Variants in CACNA1D observed in about 807,000 individuals in gnomAD.
The protein encoded by CACNA1D is calcium voltage-gated channel subunit alpha1 D.
A neutral mutation model predicts 257.1 loss-of-function variants in CACNA1D; 55 were observed. The ratio of observed to expected loss-of-function variants is 0.21; its 90% CI spans 0.17 to 0.27. The LOEUF is 0.27. CACNA1D is among the 10% of genes least tolerant of loss of function. The probability of loss-of-function intolerance (pLI) is 1.00; values close to 1 mark genes in which losing one functional copy is unlikely to be tolerated. For missense variants in CACNA1D, 1,876 were observed against 2,784.0 expected (o/e 0.67, Z 7.34); for synonymous variants, 980 against 1,014.9 (o/e 0.97, Z 0.65).
At chr3:53,655,252 A>C (rs992156988) in intron 4 of CACNA1D, among the ~76,000 whole-genome samples, 1 of 152,124 alleles carries the variant, frequency 6.6e-6, no homozygotes, top group Non-Finnish European at 1.5e-5. Context: ...TGTCTTTGCT[A>C]TTGTGAATAG....
At chr3:53,521,217 A>T (rs2091561306) in intron 3 of CACNA1D, among the ~76,000 whole-genome samples, 1 of 151,726 alleles carries the variant, frequency 6.6e-6, no homozygotes, top group Admixed American at 6.6e-5. Context: ...ATTTTTAAAA[A>T]TTTTTGTAGA....
At position 53,548,831 on chromosome 3, in the gene CACNA1D, G is replaced by A. The variant is rs75820298; in HGVS notation, c.483+47111G>A. ...TCCACACAGATCTGTGAGGTGAGCA[G>A]CATTGTGATCCTTATTTTACAGAGG... On this transcript the variant is annotated intron_variant, in intron 3 of 47. Transcript: ENST00000350061. Among the ~76,000 whole-genome samples the A allele has an allele frequency of 2.8e-3, 430 of 152,306 alleles. 3 individuals carry two copies. Among genetic ancestry groups the A allele is most frequent in the Non-Finnish European group, 4.9e-3 (332 of 68,032 alleles).
At chr3:53,614,489 A>G (rs1001428136) in intron 3 of CACNA1D, among the ~76,000 whole-genome samples, 2 of 152,312 alleles carry the variant, frequency 1.3e-5, no homozygotes, top group African/African-American at 2.4e-5. Context: ...GTCCACAGGC[A>G]CTGTAGGAGC....
At chr3:53,757,442 G>A (rs1251501081) in intron 29 of CACNA1D, among the ~76,000 whole-genome samples, 1 of 152,116 alleles carries the variant, frequency 6.6e-6, no homozygotes, top group African/African-American at 2.4e-5. Context: ...TCTGTGGCAT[G>A]CAGACCTGCA....
intron 30 of CACNA1D, among the ~76,000 whole-genome samples, chr3:53,769,113 C>T (rs1357015750): frequency 6.6e-6 from 1 of 152,228 alleles, no homozygotes; most frequent in Non-Finnish European, 1.5e-5. Context: ...TTTCTGAACA[C>T]TCAGGTAGTG....
intron 46 of CACNA1D, chr3:53,809,325 C>A (rs2106892895): frequency 1.2e-5 from 2 of 168,472 alleles, no homozygotes; most frequent in East Asian, 1.6e-4. Flanking sequence ...CTAGGGCTTT[C>A]CCTCAAGGAT....
intron 8 of CACNA1D, among the ~76,000 whole-genome samples, chr3:53,696,533 T>C (rs983431928): frequency 1.3e-5 from 2 of 152,112 alleles, no homozygotes; most frequent in Non-Finnish European, 2.9e-5. Context: ...CCACCCAGGG[T>C]AGGGGACACA....
Position 53,789,522 on chromosome 3 carries a change from C to T in CACNA1D, c.4923+2570C>T, listed in dbSNP as rs1017644825. Among the ~76,000 whole-genome samples, 9 of 152,278 alleles carry T rather than the reference C, an allele frequency of 5.9e-5. No individual in the cohort carries two copies. The highest frequency in any genetic ancestry group is 2.1e-4 in the South Asian group (1 of 4,822). Reference sequence around the variant, plus strand: ...TAGCAGTTAGGAAAATTTGGTGGGACGGCAGTGGGAGAGATATACCACCAG... The same window carrying T: ...TAGCAGTTAGGAAAATTTGGTGGGATGGCAGTGGGAGAGATATACCACCAG... On this transcript the variant is annotated intron_variant, in intron 40 of 47. Coordinates refer to ENST00000350061, the MANE Select transcript of CACNA1D (RefSeq NM_001128840.3). This position sits in a 1 kb window ranked among gnomAD's most constrained non-coding sequence, Gnocchi z 4.2.
intron 7 of CACNA1D, among the ~76,000 whole-genome samples, chr3:53,672,184 C>T (rs1266956472): frequency 2.6e-5 from 4 of 152,170 alleles, no homozygotes; most frequent in Non-Finnish European, 5.9e-5. Context: ...CCTCAGGCCA[C>T]ACCCTTTCAC....
At chr3:53,748,382 A>G (rs1392596123) in intron 26 of CACNA1D, among the ~76,000 whole-genome samples, 1 of 152,120 alleles carries the variant, frequency 6.6e-6, no homozygotes, top group Admixed American at 6.5e-5. Context: ...TATTTTCAGG[A>G]GCTCCTGTAG....
rs373689198 is a variant in CACNA1D, at chr3:53,751,779, C to T, written c.3547C>T (p.Arg1183Cys). 17 of 1,614,160 alleles carry T rather than the reference C, an allele frequency of 1.1e-5. No homozygotes were observed. The highest frequency in any genetic ancestry group is 1.4e-5 in the Non-Finnish European group (16 of 1,180,028). ...RQCVEYALKA[R>C]PLRRYIPKNP... ...GTGTGTTGAATACGCCTTGAAAGCA[C>T]GTCCCTTGCGGAGATACATCCCCAA... The change falls in exon 28 of 48, where the codon CGT becomes TGT. Residue 1183 changes from arginine to cysteine, a missense_variant. Around this residue, in one of 10 missense-constraint regions of CACNA1D, gnomAD observed 204 missense variants for 309.4 expected, o/e 0.66. Coordinates refer to ENST00000350061, the MANE Select transcript of CACNA1D (RefSeq NM_001128840.3). The surrounding 1 kb of genome is among the most constrained non-coding windows in gnomAD (Gnocchi z 4.3).
At chr3:53,760,195 G>A (rs752283158) in intron 29 of CACNA1D, among the ~76,000 whole-genome samples, 4 of 152,178 alleles carry the variant, frequency 2.6e-5, no homozygotes, top group Non-Finnish European at 5.9e-5. Flanking sequence ...AAGCAAACCC[G>A]AAGTCAGTGT....
chr3:53,787,084 T>A (rs1576665074), intron 40 of CACNA1D, 132 bp downstream of exon 40: 1 of 906,650 alleles, frequency 1.1e-6, no homozygotes. Flanking sequence ...TACTACACAC[T>A]CCCCCAAATG....
At chr3:53,745,550 A>G (rs2095160136) in intron 23 of CACNA1D, 74 bp from the exon 24 acceptor site, 7 of 924,290 alleles carry the variant, frequency 7.6e-6, no homozygotes, top group Admixed American at 1.8e-5. Context: ...CAACACAGAA[A>G]CTGTCGGCTG....
intron 40 of CACNA1D, among the ~76,000 whole-genome samples, chr3:53,787,425 C>G (rs891043060): frequency 2.9e-5 from 4 of 136,150 alleles, no homozygotes; most frequent in African/African-American, 8.7e-5. Flanking sequence ...AGTATGTATT[C>G]TGTGTGTGTG....
chr3:53,602,416 T>C (rs2093455349), intron 3 of CACNA1D, among the ~76,000 whole-genome samples: 1 of 152,260 alleles, frequency 6.6e-6, no homozygotes, highest in Non-Finnish European at 1.5e-5. Flanking sequence ...GCAATAAACA[T>C]GGGAATTTAG....
chr3:53,622,987 G>A (rs551623678), intron 3 of CACNA1D, among the ~76,000 whole-genome samples: 1 of 152,152 alleles, frequency 6.6e-6, no homozygotes, highest in African/African-American at 2.4e-5. Context: ...TGCCTCCCGG[G>A]TTCAAGCCAT....
chr3:53,567,978 G>C (rs1414852662), intron 3 of CACNA1D, among the ~76,000 whole-genome samples: 1 of 152,136 alleles, frequency 6.6e-6, no homozygotes, highest in African/African-American at 2.4e-5. Flanking sequence ...GGCTGCGGGG[G>C]TTAGAAGACC....
At position 53,691,149 on chromosome 3, in the gene CACNA1D, CT is replaced by C. The variant is rs746562216; in HGVS notation, c.1221-11479del. ...GAGCCCATGGTTTTGAAGAATACCT[CT>C]TTTTTTTTTTTTGGGGGGGAGATGG... is the stretch of plus-strand genomic sequence containing the variant. On this transcript the variant is annotated intron_variant, in intron 8 of 47. Transcript: ENST00000350061. 6.6e-3 allele frequency among the ~76,000 whole-genome samples: 928 copies of C among 139,772 alleles called. 10 individuals carry two copies. Among genetic ancestry groups the C allele is most frequent in the African/African-American group, 0.019 (700 of 36,974 alleles). 91.7% of individuals were successfully genotyped at this position (139,772 alleles called of 152,430 possible).
Sources: allele counts gnomAD v4.1 joint callset (sites outside exome capture counted in the v4.1 genomes callset), GRCh38; gene constraint gnomAD v4.1.1; regional missense constraint gnomAD v4.1.1; non-coding constraint Gnocchi (gnomAD v3.1); transcripts MANE v1.5; gene names NCBI Gene and HGNC (gene_info 2026-07-23, HGNC 2026-07-21).